The following NCAM1 variants were observed in gnomAD, a reference collection of about 807,000 sequenced individuals.
The protein encoded by NCAM1 is antigen recognized by monoclonal antibody 5.1H11.
NCAM1 carries 14 observed loss-of-function variants against 109.8 expected under a neutral mutation model. That is an observed-to-expected ratio of 0.13 (90% CI 0.08 to 0.20). The LOEUF (loss-of-function observed/expected upper bound fraction) is 0.20. Ranked by LOEUF, NCAM1 falls within the 10% of genes least tolerant of loss-of-function variation. NCAM1 has a pLI of 1.00. For synonymous variants in NCAM1, 418 were observed against 442.9 expected (o/e 0.94, Z 0.70); for missense variants, 774 against 1,109.9 (o/e 0.70, Z 4.30).
At chr11:113,079,714 C>T (rs915498233) in intron 1 of NCAM1, among the ~76,000 whole-genome samples, 15 of 152,126 alleles carry the variant, frequency 9.9e-5, no homozygotes, top group Non-Finnish European at 2.9e-5. Flanking sequence ...GGATGTCATG[C>T]CATGATACCC....
In NCAM1 at chr11:112,962,664, G is replaced by A. The variant is rs778662521; in HGVS notation, c.52+1000G>A. On this transcript the variant is annotated intron_variant, in intron 1 of 19. Coordinates refer to ENST00000316851, the MANE Select transcript of NCAM1 (RefSeq NM_181351.5). This position sits in a 1 kb window ranked among gnomAD's most constrained non-coding sequence, Gnocchi z 5.6. The stretch of plus-strand genomic sequence containing the variant: ...GTTGCGCCGCCGCCCAGAGAACCTC[G>A]GCAGTGTGCAGGGAGGTGCATTTCA... Among the ~76,000 whole-genome samples the A allele has an allele frequency of 4.6e-5, 7 of 151,758 alleles. No homozygotes were observed. The highest frequency in any genetic ancestry group is 8.8e-5 in the Non-Finnish European group (6 of 67,910).
rs570556947 is a variant in NCAM1 at position 113,249,988 on chromosome 11, C to A, written c.1828+3618C>A. On this transcript the variant is annotated intron_variant, in intron 15 of 19. Coordinates refer to ENST00000316851, the MANE Select transcript of NCAM1 (RefSeq NM_181351.5). ...CATCCTTGCTCTGCAAGCTGGGAAC[C>A]GGCCGTGCCCACACTCACTCATTGT... Among the ~76,000 whole-genome samples the A allele has an allele frequency of 9.2e-5, 14 of 152,268 alleles. No individual in the cohort carries two copies. In the South Asian group the frequency reaches 2.7e-3, roughly 29 times the overall value.
chr11:113,176,268 T>C (rs1418197990), intron 1 of NCAM1, among the ~76,000 whole-genome samples: 2 of 152,234 alleles, frequency 1.3e-5, no homozygotes, highest in Middle Eastern at 3.2e-3. Flanking sequence ...AGGACAAGCA[T>C]GGCCTCTTGG....
Position 113,274,656 on chromosome 11 carries a change from C to G in NCAM1, c.2457-611C>G, listed in dbSNP as rs1230868494. Among the ~76,000 whole-genome samples the G allele has an allele frequency of 1.3e-5, 2 of 152,202 alleles. No homozygotes were observed. The highest frequency in any genetic ancestry group is 1.3e-4 in the Admixed American group (2 of 15,282). Reference sequence around the variant, plus strand: ...CTGCCCTCAACTCTCGCATAGCCACCAGGCCCACTCTAGTACCCCACCAGG... The same window carrying G: ...CTGCCCTCAACTCTCGCATAGCCACGAGGCCCACTCTAGTACCCCACCAGG... On this transcript the variant is annotated intron_variant, in intron 19 of 19. Transcript: ENST00000316851. The surrounding 1 kb of genome is among the most constrained non-coding windows in gnomAD (Gnocchi z 4.1).
chr11:113,062,355 C>T (rs1937705212), intron 1 of NCAM1, among the ~76,000 whole-genome samples: 1 of 152,096 alleles, frequency 6.6e-6, no homozygotes. Flanking sequence ...AATCTGTGAC[C>T]TTTTGTTGTC....
intron 1 of NCAM1, among the ~76,000 whole-genome samples, chr11:113,194,391 G>A (rs902912416): frequency 2.0e-5 from 3 of 152,100 alleles, no homozygotes; most frequent in African/African-American, 7.2e-5. Context: ...ATAGGATTTG[G>A]GGGCAGGGGT....
At chr11:113,033,093 A>C (rs1555078568) in intron 1 of NCAM1, among the ~76,000 whole-genome samples, 1 of 152,192 alleles carries the variant, frequency 6.6e-6, no homozygotes, top group Non-Finnish European at 1.5e-5. Flanking sequence ...AGATGTGAAC[A>C]TTTCCATTCA....
rs1555117236 is a variant in NCAM1 at position 113,231,668 on chromosome 11, G to C, written c.1113G>C (p.Val371=). ...KQETLDGHMV[V]RSHARVSSLT... ...AGACTCTGGATGGGCACATGGTGGT[G>C]CGTAGCCATGCCCGTGTGTCGTCGC... The change falls in exon 10 of 20, where the codon GTG becomes GTC. Residue 371 remains valine, a synonymous_variant. Transcript: ENST00000316851. 1.9e-6 allele frequency: 3 copies of C among 1,613,712 alleles called. No individual in the cohort carries two copies. Among genetic ancestry groups the C allele is most frequent in the African/African-American group, 1.3e-5 (1 of 74,840 alleles).
Position 113,275,475 on chromosome 11 carries a change from C to A in NCAM1, c.*88C>A. The A allele has an allele frequency of 6.8e-7, 1 of 1,470,088 alleles. No homozygotes were observed. The highest frequency in any genetic ancestry group is 9.3e-7 in the Non-Finnish European group (1 of 1,080,866). 91.1% of individuals were successfully genotyped at this position (1,470,088 alleles called of 1,614,324 possible). A position where few individuals can be genotyped will look rare whatever the true frequency, so the allele number is the denominator to read the frequency against. ...TTCCAACACCACAGACACACACACG[C>A]ACGCACACACACAAACACACATGCA... On this transcript the variant is annotated 3_prime_UTR_variant, in exon 20 of 20. Coordinates refer to ENST00000316851, the MANE Select transcript of NCAM1 (RefSeq NM_181351.5).
Position 113,251,414 on chromosome 11 carries a change from A to T in NCAM1, c.1829-4463A>T, listed in dbSNP as rs937854061. ...CTGCAATCGGCATGGCCAGAAATATACATTTCAATTATGGTTTCTAAGGGA... is the reference window on the plus strand; with the variant it reads ...CTGCAATCGGCATGGCCAGAAATATTCATTTCAATTATGGTTTCTAAGGGA... On this transcript the variant is annotated intron_variant, in intron 15 of 19. Transcript: ENST00000316851. Among the ~76,000 whole-genome samples the T allele has an allele frequency of 2.6e-5, 4 of 152,294 alleles. No individual in the cohort carries two copies. In the East Asian group the frequency reaches 7.7e-4, roughly 29 times the overall value.
chr11:113,234,902 C>A, intron 13 of NCAM1, 131 bp from the exon 14 acceptor site: 1 of 1,227,754 alleles, frequency 8.1e-7, no homozygotes, highest in Non-Finnish European at 1.1e-6. Flanking sequence ...ATGCATATGC[C>A]CAGAAATAGA....
chr11:112,967,275 T>C (rs1269782302), intron 1 of NCAM1, among the ~76,000 whole-genome samples: 2 of 152,244 alleles, frequency 1.3e-5, no homozygotes, highest in African/African-American at 4.8e-5. Flanking sequence ...AATGTCACAC[T>C]GTTTGAGATT....
chr11:113,231,201 T>G, intron 9 of NCAM1: 1 of 1,536,154 alleles, frequency 6.5e-7, no homozygotes, highest in Non-Finnish European at 8.7e-7. Context: ...CACAGGTACA[T>G]GCACCATGGA....
intron 1 of NCAM1, among the ~76,000 whole-genome samples, chr11:113,161,958 G>A (rs1315162899): frequency 6.6e-6 from 1 of 152,134 alleles, no homozygotes; most frequent in Non-Finnish European, 1.5e-5. Flanking sequence ...ATCGCTTCCT[G>A]CAAACAACGT....
intron 1 of NCAM1, among the ~76,000 whole-genome samples, chr11:113,184,998 TAC>T (rs1239584594): frequency 6.6e-6 from 1 of 150,694 alleles, no homozygotes; most frequent in Admixed American, 6.6e-5. Flanking sequence ...AGGAGATACA[TAC>T]ACACACATGC....
At chr11:113,035,506 T>C (rs1220433741) in intron 1 of NCAM1, among the ~76,000 whole-genome samples, 1 of 152,176 alleles carries the variant, frequency 6.6e-6, no homozygotes, top group Non-Finnish European at 1.5e-5. Flanking sequence ...GAAGGAGATA[T>C]TAAATTATGC....
intron 1 of NCAM1, among the ~76,000 whole-genome samples, chr11:113,019,499 A>T (rs1952320280): frequency 6.6e-6 from 1 of 152,086 alleles, no homozygotes; most frequent in African/African-American, 2.4e-5. Context: ...TCTCCTGAAT[A>T]ATTCATATTT....
chr11:113,125,661 G>C (rs1275799927), intron 1 of NCAM1, among the ~76,000 whole-genome samples: 1 of 152,224 alleles, frequency 6.6e-6, no homozygotes, highest in Non-Finnish European at 1.5e-5. Context: ...CCGCTGGGCA[G>C]AGTGCAGGAT....
rs1395440432 is a variant in NCAM1, at chr11:113,274,955, T to TC, written c.2457-311dup. On this transcript the variant is annotated intron_variant, in intron 19 of 19. Coordinates refer to ENST00000316851, the MANE Select transcript of NCAM1 (RefSeq NM_181351.5). The surrounding 1 kb of genome is among the most constrained non-coding windows in gnomAD (Gnocchi z 4.1). ...CCAGGTAAAAACACAGCCTCTGGCA[T>TC]CAACTTAGGGCTGGAAGAGGAAAGG... Among the ~76,000 whole-genome samples the TC allele has an allele frequency of 5.9e-5, 9 of 152,224 alleles. No homozygotes were observed. The highest frequency in any genetic ancestry group is 1.3e-4 in the Non-Finnish European group (9 of 68,040).
Sources: gnomAD v4.1 joint callset for allele counts (sites outside exome capture counted in the v4.1 genomes callset) on GRCh38, gnomAD v4.1.1 for gene constraint, Gnocchi (gnomAD v3.1) non-coding constraint, MANE v1.5 for transcripts, NCBI Gene and HGNC (gene_info 2026-07-23, HGNC 2026-07-21) for gene names.